The following EDA2R variants were observed in gnomAD, a reference collection of about 807,000 sequenced individuals.
EDA2R encodes ectodysplasin A2 receptor, also known as tumor necrosis factor receptor superfamily member 27.
EDA2R carries 26 observed loss-of-function variants against 20.1 expected under a neutral mutation model. That is an observed-to-expected ratio of 1.30 (90% CI 0.95 to 1.80). EDA2R has a LOEUF of 1.80. Among genes scored for constraint, EDA2R ranks in the 40% most tolerant of loss-of-function variants. The pLI is 0.00. For missense variants in EDA2R, 277 were observed against 228.7 expected (o/e 1.21, Z -1.36); for synonymous variants, 114 against 88.7 (o/e 1.29, Z -1.60).
chrX:66,601,604 C>T (rs944977152), intron 5 of EDA2R, among the ~76,000 whole-genome samples: 38 of 111,647 alleles, frequency 3.4e-4, no homozygotes, highest in Non-Finnish European at 5.6e-5. Context: ...ACAAATACTG[C>T]AGCTTTGCAC....
At chrX:66,629,940 A>G (rs1198977340) in intron 1 of EDA2R, among the ~76,000 whole-genome samples, 3 of 111,896 alleles carry the variant, frequency 2.7e-5, no homozygotes, top group Non-Finnish European at 5.6e-5. Context: ...ATTTCAAACT[A>G]TACTATAAGG....
intron 2 of EDA2R, 38 bp downstream of exon 2, chrX:66,615,896 A>G: frequency 1.8e-6 from 2 of 1,128,151 alleles, no homozygotes; most frequent in South Asian, 1.9e-5. Context: ...GGTTCCTAAG[A>G]TGCAACAGAA....
chrX:66,627,438 G>T (rs1197155732), intron 1 of EDA2R, among the ~76,000 whole-genome samples: 1 of 112,124 alleles, frequency 8.9e-6, no homozygotes, highest in Non-Finnish European at 1.9e-5. Context: ...ATGGAAAAAG[G>T]CATTTCATGC....
chrX:66,604,995 C>T (rs1178864203), intron 3 of EDA2R, 53 bp downstream of exon 3: 2 of 1,071,826 alleles, frequency 1.9e-6, no homozygotes, highest in Admixed American at 2.8e-5. Flanking sequence ...ATGGGAGAAA[C>T]CTCCAACAGC....
chrX:66,604,418 C>A lies in EDA2R; in HGVS notation c.352+3G>T, dbSNP rs1444282911. On this transcript the variant is annotated splice_donor_region_variant and intron_variant, in intron 4 of 6. Transcript: ENST00000374719. ...AAAGGGAAGAAGAGAACTGGGTACACACATTGAACCTCAGAGGTGGGGGTC... is the reference window on the plus strand; with the variant it reads ...AAAGGGAAGAAGAGAACTGGGTACAAACATTGAACCTCAGAGGTGGGGGTC... The A allele has an allele frequency of 3.3e-6, 4 of 1,203,972 alleles. No homozygotes were observed. The highest frequency in any genetic ancestry group is 4.5e-6 in the Non-Finnish European group (4 of 891,834).
chrX:66,634,070 T>C (rs1934101141), intron 1 of EDA2R, among the ~76,000 whole-genome samples: 1 of 111,421 alleles, frequency 9.0e-6, no homozygotes, highest in South Asian at 3.8e-4. Flanking sequence ...GAATAAAATA[T>C]CCTAAAGGAG....
At chrX:66,630,336 T>G (rs1200257795) in intron 1 of EDA2R, among the ~76,000 whole-genome samples, 2 of 110,952 alleles carry the variant, frequency 1.8e-5, no homozygotes, top group African/African-American at 6.5e-5. Flanking sequence ...CAAAGATAAA[T>G]AGCCGGGACC....
At chrX:66,625,397 A>T (rs1000662232) in intron 1 of EDA2R, among the ~76,000 whole-genome samples, 1 of 110,124 alleles carries the variant, frequency 9.1e-6, no homozygotes, top group Non-Finnish European at 1.9e-5. Context: ...GCCAGCTTTG[A>T]CCCACTTCCC....
chrX:66,613,825 G>T (rs1420503739), intron 2 of EDA2R, among the ~76,000 whole-genome samples: 1 of 111,936 alleles, frequency 8.9e-6, no homozygotes, highest in Non-Finnish European at 1.9e-5. Flanking sequence ...TTTATTTACA[G>T]TGATGTTTAT....
intron 1 of EDA2R, among the ~76,000 whole-genome samples, chrX:66,621,973 T>C (rs1439884550): frequency 8.9e-6 from 1 of 112,182 alleles, no homozygotes; most frequent in East Asian, 2.8e-4. Context: ...AATAGGATAT[T>C]GCTTAAGTTA....
intron 1 of EDA2R, among the ~76,000 whole-genome samples, chrX:66,632,421 G>C (rs1933914804): frequency 2.0e-5 from 2 of 100,633 alleles, no homozygotes; most frequent in African/African-American, 7.7e-5. Flanking sequence ...CTCAAACAAA[G>C]AAGAAGAAGA....
intron 6 of EDA2R, 80 bp downstream of exon 6, chrX:66,599,394 C>A: frequency 9.6e-7 from 1 of 1,039,326 alleles, no homozygotes; most frequent in Non-Finnish European, 1.3e-6. Context: ...AATACTATTC[C>A]AAAAGAGAAT....
intron 1 of EDA2R, among the ~76,000 whole-genome samples, chrX:66,631,355 T>A (rs187536245): frequency 2.4e-4 from 27 of 111,043 alleles, no homozygotes; most frequent in Non-Finnish European, 7.5e-5. Context: ...CAATAACCTA[T>A]GGAATTTTTT....
chrX:66,602,247 C>T (rs888195051), intron 5 of EDA2R, among the ~76,000 whole-genome samples: 2 of 111,570 alleles, frequency 1.8e-5, no homozygotes, highest in African/African-American at 6.5e-5. Context: ...CCAATCCTAT[C>T]TCTTATCTTA....
Position 66,599,604 on chromosome X carries a change from G to T in EDA2R, c.774C>A (p.Asp258Glu). Reference protein sequence around the residue: ...VHSPIECTELDLQKFSSSASY... With the variant: ...VHSPIECTELELQKFSSSASY... ...AGGCAGAGCTGGAAAACTTTTGCAG[G>T]TCCAGCTCTGTGCATTCGATGGGGC... Residue 258 changes from aspartate to glutamate, a missense_variant, in exon 6 of 7, where the codon GAC becomes GAA. Physicochemically the swap from Asp to Glu is conservative, Grantham distance 45. Transcript: ENST00000374719. 1 of 1,201,742 alleles carries T rather than the reference G, an allele frequency of 8.3e-7. No homozygotes were observed. The highest frequency in any genetic ancestry group is 1.1e-6 in the Non-Finnish European group (1 of 890,522).
At chrX:66,618,941 C>G (rs1932164637) in intron 1 of EDA2R, among the ~76,000 whole-genome samples, 1 of 112,100 alleles carries the variant, frequency 8.9e-6, no homozygotes, top group African/African-American at 3.2e-5. Context: ...ATATACTGCA[C>G]AGTAATTTAG....
chrX:66,609,928 A>G (rs1366974009), intron 2 of EDA2R, among the ~76,000 whole-genome samples: 1 of 112,046 alleles, frequency 8.9e-6, no homozygotes, highest in Non-Finnish European at 1.9e-5. Context: ...AAAACCAAAA[A>G]GTACCAAAAC....
chrX:66,618,791 T>G (rs1048480096), intron 1 of EDA2R, among the ~76,000 whole-genome samples: 1 of 108,601 alleles, frequency 9.2e-6, no homozygotes. Flanking sequence ...AGTAGTAACC[T>G]CACATCCATC....
chrX:66,625,063 G>A (rs1309870429), intron 1 of EDA2R, among the ~76,000 whole-genome samples: 3 of 111,851 alleles, frequency 2.7e-5, no homozygotes, highest in Admixed American at 9.4e-5. Context: ...GAACCACAGG[G>A]AACCTTCAGA....
Sources: gnomAD v4.1 joint callset for allele counts (sites outside exome capture counted in the v4.1 genomes callset) on GRCh38, gnomAD v4.1.1 for gene constraint, MANE v1.5 for transcripts, NCBI Gene and HGNC (gene_info 2026-07-23, HGNC 2026-07-21) for gene names.